Variants in TTC5 observed in about 807,000 individuals in gnomAD.
TTC5 encodes tetratricopeptide repeat protein 5.
In TTC5, 46 loss-of-function variants were observed where a neutral mutation model predicts 57.4. The ratio of observed to expected loss-of-function variants is 0.80; its 90% CI spans 0.63 to 1.03. The LOEUF (loss-of-function observed/expected upper bound fraction) is 1.03, where lower values mean the gene tolerates loss of function less well. Among genes scored for constraint, TTC5 ranks in the 50% least tolerant of loss-of-function variants. The pLI, the probability that TTC5 is intolerant of heterozygous loss-of-function variation, is 0.00. For synonymous variants in TTC5, 190 were observed against 203.5 expected, an observed-to-expected ratio of 0.93 and a Z score of 0.57; for missense variants, 504 against 528.1, an observed-to-expected ratio of 0.95 and a Z score of 0.45.
rs1882199726 is a variant in TTC5 at position 20,301,865 on chromosome 14, T to C, written c.152A>G (p.Glu51Gly). Reference sequence around the variant, plus strand: ...TTCTTCCATCTGCTGTAGGGTTTTCTCCATCTCCTTCTGCACATCCTGTTG... The same window carrying C: ...TTCTTCCATCTGCTGTAGGGTTTTCCCCATCTCCTTCTGCACATCCTGTTG... Reference protein sequence around the residue: ...RKQQDVQKEMEKTLQQMEEVV... With the variant: ...RKQQDVQKEMGKTLQQMEEVV... Residue 51 changes from glutamate (E) to glycine (G), a missense_variant, in exon 2 of 10, where the codon GAG (glutamate) becomes GGG (glycine). By Grantham distance (98) the Glu-to-Gly change is moderately conservative (BLOSUM62 -2). Transcript: ENST00000258821. 6.2e-7 allele frequency: 1 copy of C among 1,614,116 alleles called. No individual in the cohort carries two copies. Among genetic ancestry groups the C allele is most frequent in the African/African-American group, 1.3e-5 (1 of 75,038 alleles).
At chr14:20,299,126 G>T (rs765797430) in intron 4 of TTC5, among the ~76,000 whole-genome samples, 172 bp downstream of exon 4, 1 of 152,172 alleles carries the variant, frequency 6.6e-6, no homozygotes, top group African/African-American at 2.4e-5. Flanking sequence ...TCAAAAGATC[G>T]AAGAGTTCCT....
chr14:20,290,096 T>C (rs1881924172), intron 9 of TTC5, among the ~76,000 whole-genome samples: 1 of 152,208 alleles, frequency 6.6e-6, no homozygotes, highest in South Asian at 2.1e-4. Flanking sequence ...ATTAACTAGA[T>C]ACACATAGCA....
chr14:20,296,941 T>C (rs1882077950), intron 5 of TTC5, among the ~76,000 whole-genome samples: 2 of 151,876 alleles, frequency 1.3e-5, no homozygotes, highest in African/African-American at 2.4e-5. Flanking sequence ...ACATGGGAGG[T>C]GGAGGTTGCA....
chr14:20,291,838 A>G (rs1881959092), intron 9 of TTC5, 145 bp downstream of exon 9: 1 of 608,410 alleles, frequency 1.6e-6, no homozygotes, highest in East Asian at 4.2e-5. Flanking sequence ...ATATATATAT[A>G]AATAAAACAT....
At chr14:20,301,028 A>T (rs749973846) in intron 2 of TTC5, among the ~76,000 whole-genome samples, 1 of 152,216 alleles carries the variant, frequency 6.6e-6, no homozygotes, top group Non-Finnish European at 1.5e-5. Flanking sequence ...AGCTTCTGCC[A>T]TCTGTTTCTT....
At chr14:20,301,028 A>G (rs749973846) in intron 2 of TTC5, among the ~76,000 whole-genome samples, 1 of 152,216 alleles carries the variant, frequency 6.6e-6, no homozygotes, top group African/African-American at 2.4e-5. Context: ...AGCTTCTGCC[A>G]TCTGTTTCTT....
Position 20,292,144 on chromosome 14 carries a change from G to A in TTC5, c.1059-17C>T. 8.1e-6 allele frequency: 12 copies of A among 1,489,142 alleles called. No individual in the cohort carries two copies. Among genetic ancestry groups the A allele is most frequent in the Non-Finnish European group, 1.1e-5 (12 of 1,115,886 alleles). 92.2% of individuals were successfully genotyped at this position (1,489,142 alleles called of 1,614,324 possible). A position where few individuals can be genotyped will look rare whatever the true frequency, so the allele number is the denominator to read the frequency against. On this transcript the variant is annotated splice_polypyrimidine_tract_variant and intron_variant, in intron 8 of 9. Coordinates refer to ENST00000258821, the MANE Select transcript of TTC5 (RefSeq NM_138376.3). ...CCAAATGTACTACCAAGTAAAGACA[G>A]ATTAGGAGAGAGGAAAACAAAAAGG...
rs1881905915 is a variant in TTC5 at position 20,289,397 on chromosome 14, G to C, written c.*230C>G. On this transcript the variant is annotated 3_prime_UTR_variant, in exon 10 of 10. Transcript: ENST00000258821. ...CTTTGCTTAAAACATAGAGAGCAGT[G>C]GAAGAGACAGGAGAGATATGCCAGA... 3 of 379,682 alleles carry C rather than the reference G, an allele frequency of 7.9e-6. No homozygotes were observed. The East Asian group carries it at 1.2e-4, about 15-fold the overall frequency. The allele number at this position is 379,682 out of a possible 1,614,324, so 23.5% of individuals were successfully genotyped here.
intron 8 of TTC5, 170 bp from the exon 9 acceptor site, chr14:20,292,297 TACTA>T: frequency 2.5e-6 from 1 of 393,328 alleles, no homozygotes; most frequent in Non-Finnish European, 4.3e-6. Context: ...AAAAATAAAA[TACTA>T]ACAAAATAAA....
rs567720652 is a variant in TTC5 at position 20,287,697 on chromosome 14, C to A, written c.*1930G>T. 3 of 152,246 alleles carry A rather than the reference C, an allele frequency of 2.0e-5. No homozygotes were observed. Among genetic ancestry groups the A allele is most frequent in the African/African-American group, 7.2e-5 (3 of 41,532 alleles). The allele number at this position is 152,246 out of a possible 1,614,324, so 9.4% of individuals were successfully genotyped here. A position where few individuals can be genotyped will look rare whatever the true frequency, so the allele number is the denominator to read the frequency against. On this transcript the variant is annotated 3_prime_UTR_variant, in exon 10 of 10. Transcript: ENST00000258821. ...TACTGGCCATTTTTCTACTCTCTAG[C>A]CCTACACAGAACATGTCAACTCATC...
At chr14:20,304,880 T>C (rs544868152) in intron 1 of TTC5, among the ~76,000 whole-genome samples, 10 of 152,310 alleles carry the variant, frequency 6.6e-5, no homozygotes, top group East Asian at 1.9e-4. Context: ...AATCAATACA[T>C]GTAAGTTGTT....
rs185550059 is a variant in TTC5 at position 20,286,493 on chromosome 14, G to A, written c.*3134C>T. ...TGGGCTTTAAAGATCAGTAGGGAAA[G>A]GATTGATTCTTTAATAAAAGGTGCT... On this transcript the variant is annotated 3_prime_UTR_variant, in exon 10 of 10. Transcript: ENST00000258821. 2 of 152,086 alleles carry A rather than the reference G, an allele frequency of 1.3e-5. No individual in the cohort carries two copies. Among genetic ancestry groups the A allele is most frequent in the African/African-American group, 4.8e-5 (2 of 41,514 alleles). The allele number at this position is 152,086 out of a possible 1,614,324, so 9.4% of individuals were successfully genotyped here.
rs1881904651 is a variant in TTC5 at position 20,289,330 on chromosome 14, T to G, written c.*297A>C. On this transcript the variant is annotated 3_prime_UTR_variant, in exon 10 of 10. Transcript: ENST00000258821. ...GCAACAACAGGAACCTTGGGGACTC[T>G]GTCCCATGGCAAGATCCCAAGACTT... 8.4e-6 allele frequency: 2 copies of G among 239,098 alleles called. No homozygotes were observed. The highest frequency in any genetic ancestry group is 1.6e-5 in the Non-Finnish European group (2 of 123,122). The allele number at this position is 239,098 out of a possible 1,614,324, so 14.8% of individuals were successfully genotyped here. A position where few individuals can be genotyped will look rare whatever the true frequency, so the allele number is the denominator to read the frequency against.
In TTC5 at chr14:20,287,051, A is replaced by G. The variant is rs1317696505; in HGVS notation, c.*2576T>C. The G allele has an allele frequency of 6.6e-6, 1 of 152,202 alleles. No individual in the cohort carries two copies. Among genetic ancestry groups the G allele is most frequent in the Non-Finnish European group, 1.5e-5 (1 of 68,034 alleles). 9.4% of individuals were successfully genotyped at this position (152,202 alleles called of 1,614,324 possible). ...TCATCTATTGATAGTAGAGACATAA[A>G]CTAATATAAGCACTTTGGAAATGTT... On this transcript the variant is annotated 3_prime_UTR_variant, in exon 10 of 10. Coordinates refer to ENST00000258821, the MANE Select transcript of TTC5 (RefSeq NM_138376.3).
intron 5 of TTC5, 80 bp downstream of exon 5, chr14:20,298,717 A>G (rs963353733): frequency 6.8e-5 from 71 of 1,048,774 alleles, no homozygotes; most frequent in Non-Finnish European, 9.9e-5. Flanking sequence ...ATGCTTGCTA[A>G]AGGGCCACAA....
At position 20,292,061 on chromosome 14, in the gene TTC5, G is replaced by T; in HGVS notation, c.1125C>A (p.Ser375Arg). The T allele has an allele frequency of 6.2e-7, 1 of 1,602,996 alleles. No individual in the cohort carries two copies. The highest frequency in any genetic ancestry group is 8.5e-7 in the Non-Finnish European group (1 of 1,174,786). ...CAGAGTCTCCAATGAGCACTCCCCA[G>T]CTCTGCACTATATTGTACACCATCA... Reference protein sequence around the residue: ...YAVMVYNIVQSWGVLIGDSVA... With the variant: ...YAVMVYNIVQRWGVLIGDSVA... Residue 375 changes from serine to arginine, a missense_variant, in exon 9 of 10, where the codon AGC (serine) becomes AGA (arginine). Physicochemically the swap from Ser to Arg is moderately radical, Grantham distance 110 (BLOSUM62 -1). Coordinates refer to ENST00000258821, the MANE Select transcript of TTC5 (RefSeq NM_138376.3).
At position 20,295,354 on chromosome 14, in the gene TTC5, C is replaced by T; in HGVS notation, c.1016G>A (p.Gly339Glu). Reference sequence around the variant, plus strand: ...TGTGGTGAGGCTAAATACCACCTTTCCCAGGATGACGGCACCGCTGTTCAC... The same window carrying T: ...TGTGGTGAGGCTAAATACCACCTTTTCCAGGATGACGGCACCGCTGTTCAC... ...PGVNSGAVILGKVVFSLTTEE... is the reference protein window; with the variant it reads ...PGVNSGAVILEKVVFSLTTEE... Residue 339 changes from glycine (G) to glutamate (E), a missense_variant, in exon 8 of 10, where the codon GGA becomes GAA. By Grantham distance (98) the Gly-to-Glu change is moderately conservative. Transcript: ENST00000258821. 1.2e-6 allele frequency: 2 copies of T among 1,614,164 alleles called. No individual in the cohort carries two copies. Among genetic ancestry groups the T allele is most frequent in the Non-Finnish European group, 1.7e-6 (2 of 1,180,034 alleles).
chr14:20,295,249 G>T (rs1594263475), intron 8 of TTC5, 63 bp downstream of exon 8: 1 of 1,482,322 alleles, frequency 6.7e-7, no homozygotes. Context: ...GCCAGGGAAA[G>T]AACAGGAAGT....
At chr14:20,296,145 G>C (rs1245885031) in intron 6 of TTC5, among the ~76,000 whole-genome samples, 1 of 152,126 alleles carries the variant, frequency 6.6e-6, no homozygotes, top group Non-Finnish European at 1.5e-5. Flanking sequence ...CATTTCAGAA[G>C]TCTTCTAAAA....
Sources: allele counts gnomAD v4.1 joint callset (sites outside exome capture counted in the v4.1 genomes callset), GRCh38; gene constraint gnomAD v4.1.1; transcripts MANE v1.5; gene names NCBI Gene and HGNC (gene_info 2026-07-23, HGNC 2026-07-21).